Variants in EMC1 observed in about 807,000 individuals in gnomAD.
The protein encoded by EMC1 is ER membrane protein complex subunit 1, also known as KIAA0090.
In EMC1, 103 loss-of-function variants were observed where a neutral mutation model predicts 128.8. The observed-to-expected ratio is 0.80, with a 90% confidence interval of 0.68 to 0.94. The LOEUF (loss-of-function observed/expected upper bound fraction) is 0.94, where lower values mean the gene tolerates loss of function less well. Among genes scored for constraint, EMC1 ranks in the 40% least tolerant of loss-of-function variants. EMC1 has a pLI of 0.00. For synonymous variants in EMC1, 442 were observed against 490.4 expected (o/e 0.90, Z 1.30); for missense variants, 1,083 against 1,250.6 (o/e 0.87, Z 2.02).
chr1:19,242,522 G>A (rs781463194), intron 4 of EMC1, 49 bp from the exon 5 acceptor site: 1 of 1,610,636 alleles, frequency 6.2e-7, no homozygotes, highest in Non-Finnish European at 8.5e-7. Context: ...AGAGCCTCAG[G>A]CTGGGAGAGA....
chr1:19,223,472 C>A lies in EMC1; in HGVS notation c.2300G>T (p.Gly767Val), dbSNP rs766820627. The A allele has an allele frequency of 1.2e-6, 2 of 1,614,138 alleles. No individual in the cohort carries two copies. The highest frequency in any genetic ancestry group is 4.5e-5 in the East Asian group (2 of 44,880). ...CTGCACAGAGGAGTGAATGATACGC[C>A]CAGTGACGCCATCAATGAGGAAGAT... ...IGIFLIDGVT[G>V]RIIHSSVQKK... Residue 767 changes from glycine to valine, a missense_variant, in exon 19 of 23, where the codon GGG becomes GTG. By Grantham distance (109) the Gly-to-Val change is moderately radical. Coordinates refer to ENST00000477853, the MANE Select transcript of EMC1 (RefSeq NM_015047.3).
intron 17 of EMC1, 38 bp downstream of exon 17, chr1:19,230,806 T>A (rs767347690): frequency 1.2e-5 from 19 of 1,612,008 alleles, no homozygotes; most frequent in Non-Finnish European, 1.6e-5. Flanking sequence ...CACCTGCATC[T>A]CATCCACAAA....
intron 8 of EMC1, chr1:19,239,602 G>A (rs113290741): frequency 3.4e-5 from 20 of 589,504 alleles, no homozygotes; most frequent in Middle Eastern, 4.4e-4. Context: ...ACTAAGGAAG[G>A]CACTAGTTTT....
chr1:19,221,230 G>A (rs776882243), intron 20 of EMC1: 5 of 170,774 alleles, frequency 2.9e-5, no homozygotes, highest in Admixed American at 5.9e-5. Context: ...ATGCAGCTGC[G>A]GTACAGTGGC....
rs965085610 is a variant in EMC1, at chr1:19,237,211, CCTT to C, written c.1237_1239del (p.Lys413del). 2 of 1,614,058 alleles carry C rather than the reference CCTT, an allele frequency of 1.2e-6. No individual in the cohort carries two copies. Among genetic ancestry groups the C allele is most frequent in the Admixed American group, 1.7e-5 (1 of 60,012 alleles). ...AAAGCCCGGTAGCCCACTGAGTCAT[CCTT>C]CTTCAAGAACACCTGGATATACAGC... On this transcript the variant is annotated inframe_deletion, in exon 12 of 23. Coordinates refer to ENST00000477853, the MANE Select transcript of EMC1 (RefSeq NM_015047.3).
At chr1:19,225,444 G>C (rs991426995) in intron 18 of EMC1, among the ~76,000 whole-genome samples, 1 of 152,290 alleles carries the variant, frequency 6.6e-6, no homozygotes, top group Admixed American at 6.5e-5. Context: ...GAGATCAAGA[G>C]ATCAAGACCA....
chr1:19,222,639 T>C lies in EMC1; in HGVS notation c.2572A>G (p.Ser858Gly). The C allele has an allele frequency of 5.0e-6, 8 of 1,613,860 alleles. No homozygotes were observed. The highest frequency in any genetic ancestry group is 6.8e-6 in the Non-Finnish European group (8 of 1,179,978). Reference sequence around the variant, plus strand: ...AGTCACTCACTCAGCAGGTGTCGGCTGGTGATGCCCCGTTCGGTGATGGTG... The same window carrying C: ...AGTCACTCACTCAGCAGGTGTCGGCCGGTGATGCCCCGTTCGGTGATGGTG... ...EATITERGIT[S>G]RHLLIGLPSG... The change falls in exon 20 of 23, where the codon AGC (serine) becomes GGC (glycine). Residue 858 changes from serine (S) to glycine (G), a missense_variant. By Grantham distance (56) the Ser-to-Gly change is moderately conservative. Transcript: ENST00000477853.
intron 16 of EMC1, 83 bp downstream of exon 16, chr1:19,231,178 C>G (rs1376651054): frequency 1.0e-5 from 15 of 1,459,934 alleles, no homozygotes; most frequent in Non-Finnish European, 9.3e-7. Context: ...AGAGAGCACT[C>G]CATCTCCGGG....
In EMC1 at chr1:19,217,810, T is replaced by C. The variant is rs368929668; in HGVS notation, c.*1493A>G. On this transcript the variant is annotated 3_prime_UTR_variant, in exon 23 of 23. Coordinates refer to ENST00000477853, the MANE Select transcript of EMC1 (RefSeq NM_015047.3). ...GTCAGGATGATAGATGCCTGTTTTT[T>C]TCTGGAGATTCTTAGACATTCAGTC... 1.8e-4 allele frequency: 27 copies of C among 152,350 alleles called. No individual in the cohort carries two copies. The highest frequency in any genetic ancestry group is 3.4e-3 in the Middle Eastern group (1 of 294). The allele number at this position is 152,350 out of a possible 1,614,324, so 9.4% of individuals were successfully genotyped here.
At chr1:19,239,441 T>C (rs1396674109) in intron 8 of EMC1, 139 bp from the exon 9 acceptor site, 1 of 708,018 alleles carries the variant, frequency 1.4e-6, no homozygotes, top group Non-Finnish European at 2.4e-6. Flanking sequence ...GGTCAGGCAT[T>C]TAAGAGCAGA....
rs992918930 is a variant in EMC1, at chr1:19,232,996, G to A, written c.1572C>T (p.Thr524=). Residue 524 remains threonine, a synonymous_variant, in exon 14 of 23, where the codon ACC becomes ACT. Transcript: ENST00000477853. ...GGAGGTTGAATTCATCTCTGGCCAG[G>A]GTGTCAATGTTGATCTCATTCTTAA... ...SQIKNEINID[T]LARDEFNLQK... 5 of 1,614,054 alleles carry A rather than the reference G, an allele frequency of 3.1e-6. No homozygotes were observed. The highest frequency in any genetic ancestry group is 1.3e-5 in the African/African-American group (1 of 75,008).
At chr1:19,250,131 T>C (rs1467605937) in intron 1 of EMC1, among the ~76,000 whole-genome samples, 1 of 135,250 alleles carries the variant, frequency 7.4e-6, no homozygotes, top group African/African-American at 2.9e-5. Flanking sequence ...GGCAGGAGAA[T>C]CGCTTGAACC....
intron 5 of EMC1, 45 bp downstream of exon 5, chr1:19,242,300 G>T: frequency 1.9e-6 from 3 of 1,611,326 alleles, no homozygotes; most frequent in Non-Finnish European, 2.5e-6. Flanking sequence ...GGAGCTCCTA[G>T]AGAGTAGAAC....
In EMC1 at chr1:19,223,474, A is replaced by G. The variant is rs1439212542; in HGVS notation, c.2298T>C (p.Thr766=). The part of the protein sequence containing the change: ...FIGIFLIDGV[T]GRIIHSSVQK... ...GCACAGAGGAGTGAATGATACGCCC[A>G]GTGACGCCATCAATGAGGAAGATGC... The change falls in exon 19 of 23, where the codon ACT becomes ACC. Residue 766 remains threonine (T), a synonymous_variant. Transcript: ENST00000477853. The G allele has an allele frequency of 1.2e-6, 2 of 1,614,072 alleles. No individual in the cohort carries two copies. The highest frequency in any genetic ancestry group is 1.7e-6 in the Non-Finnish European group (2 of 1,180,038).
chr1:19,226,725 GT>G (rs567693639), intron 18 of EMC1, among the ~76,000 whole-genome samples: 120 of 148,174 alleles, frequency 8.1e-4, no homozygotes, highest in South Asian at 3.4e-3. Context: ...CCAGCTAATT[GT>G]TTTTTTTGTT....
At position 19,242,399 on chromosome 1, in the gene EMC1, G is replaced by C. The variant is rs147106433; in HGVS notation, c.455C>G (p.Ala152Gly). The C allele has an allele frequency of 6.2e-7, 1 of 1,614,120 alleles. No individual in the cohort carries two copies. Among genetic ancestry groups the C allele is most frequent in the Non-Finnish European group, 8.5e-7 (1 of 1,179,984 alleles). ...YIAVLKKTTL[A>G]LHHLSSGHLK... ...GTGCCCACTGGAGAGGTGATGGAGG[G>C]CAAGTGTAGTCTTCTTCAGGACTGC... The change falls in exon 5 of 23, where the codon GCC becomes GGC. Residue 152 changes from alanine to glycine, a missense_variant. This residue lies in a region of EMC1 where 544 missense variants were observed against 572.4 expected (regional missense o/e 0.95). Coordinates refer to ENST00000477853, the MANE Select transcript of EMC1 (RefSeq NM_015047.3).
rs1245333118 is a variant in EMC1, at chr1:19,244,002, A to G, written c.234T>C (p.Val78=). The change falls in exon 3 of 23, where the codon GTT becomes GTC. Residue 78 remains valine, a synonymous_variant. Coordinates refer to ENST00000477853, the MANE Select transcript of EMC1 (RefSeq NM_015047.3). The stretch of plus-strand genomic sequence containing the variant: ...CAGCCCCTTCTGCCGTGCCCTTGTC[A>G]ACATGGCGCCACACTGAGAGACATG... ...SRTGEILWRH[V]DKGTAEGAVD... is the part of the protein sequence containing the mutation. 12 of 1,614,122 alleles carry G rather than the reference A, an allele frequency of 7.4e-6. No individual in the cohort carries two copies. The highest frequency in any genetic ancestry group is 9.3e-6 in the Non-Finnish European group (11 of 1,180,010).
Position 19,219,418 on chromosome 1 carries a change from A to G in EMC1, c.2867T>C (p.Leu956Pro). Residue 956 changes from leucine (L) to proline (P), a missense_variant, in exon 23 of 23, where the codon CTG (leucine) becomes CCG (proline). By Grantham distance (98) the Leu-to-Pro change is moderately conservative. This residue lies in a region of EMC1 where 527 missense variants were observed against 644.1 expected (regional missense o/e 0.82). Transcript: ENST00000477853. The part of the protein sequence containing the change: ...RVYPSKQFDV[L>P]KDDYDYVLIS... ...TAACACGTAGTCATAGTCATCCTTC[A>G]GAACGTCAAACTGCTTGGATGGGTA... 1 of 1,614,104 alleles carries G rather than the reference A, an allele frequency of 6.2e-7. No homozygotes were observed. Among genetic ancestry groups the G allele is most frequent in the South Asian group, 1.1e-5 (1 of 91,092 alleles).
In EMC1 at chr1:19,239,845, C is replaced by T. The variant is rs41307779; in HGVS notation, c.927G>A (p.Thr309=). 2.5e-5 allele frequency: 40 copies of T among 1,613,860 alleles called. No homozygotes were observed. The highest frequency in any genetic ancestry group is 1.0e-4 in the Admixed American group (6 of 59,930). The part of the protein sequence containing the change: ...HYALLQYHYG[T]LSLLKNFPQT... ...GTGGGAAGTTTTTAAGCAAACTCAGCGTTCCATAATGGTACTGCAGCAGAG... is the reference window on the plus strand; with the variant it reads ...GTGGGAAGTTTTTAAGCAAACTCAGTGTTCCATAATGGTACTGCAGCAGAG... The change falls in exon 8 of 23, where the codon ACG becomes ACA. Residue 309 remains threonine, a synonymous_variant. Coordinates refer to ENST00000477853, the MANE Select transcript of EMC1 (RefSeq NM_015047.3).
Sources: allele counts gnomAD v4.1 joint callset (sites outside exome capture counted in the v4.1 genomes callset), GRCh38; gene constraint gnomAD v4.1.1; regional missense constraint gnomAD v4.1.1; transcripts MANE v1.5; gene names NCBI Gene and HGNC (gene_info 2026-07-23, HGNC 2026-07-21).